Variants in PHACTR3 observed in about 807,000 individuals in gnomAD.
PHACTR3 encodes phosphatase and actin regulator 3.
In PHACTR3, 16 loss-of-function variants were observed where a neutral mutation model predicts 66.8. The observed-to-expected ratio is 0.24, with a 90% confidence interval of 0.16 to 0.36. The LOEUF (loss-of-function observed/expected upper bound fraction) is 0.36, where lower values mean the gene tolerates loss of function less well. PHACTR3 is among the 10% of genes least tolerant of loss of function. PHACTR3 has a pLI of 1.00. For missense variants in PHACTR3, 647 were observed against 719.9 expected (o/e 0.90, Z 1.16); for synonymous variants, 323 against 292.1 (o/e 1.11, Z -1.08).
chr20:59,745,104 C>T (rs546064905), intron 2 of PHACTR3, among the ~76,000 whole-genome samples: 175 of 152,228 alleles, frequency 1.1e-3, no homozygotes, highest in African/African-American at 4.0e-3. Context: ...CCCAGTGGTC[C>T]GAGAAGACCC....
chr20:59,747,758 C>G lies in PHACTR3; in HGVS notation c.281C>G (p.Ala94Gly). ...KNEKLKQTTSALEKKMAGRQG... is the reference protein window; with the variant it reads ...KNEKLKQTTSGLEKKMAGRQG... The stretch of plus-strand genomic sequence containing the variant: ...ACCTGTGTGTTTGTGTGTTGGGCAG[C>G]GCTGGAGAAGAAGATGGCCGGCAGG... The change falls in exon 3 of 13, where the codon GCG (alanine) becomes GGG (glycine). Residue 94 changes from alanine (A) to glycine (G), a missense_variant and splice_region_variant. By Grantham distance (60) the Ala-to-Gly change is moderately conservative. Coordinates refer to ENST00000371015, the MANE Select transcript of PHACTR3 (RefSeq NM_080672.5). The G allele has an allele frequency of 1.9e-6, 3 of 1,613,644 alleles. No individual in the cohort carries two copies. Among genetic ancestry groups the G allele is most frequent in the Non-Finnish European group, 2.5e-6 (3 of 1,179,870 alleles).
rs2145548260 is a variant in PHACTR3 at position 59,847,295 on chromosome 20, G to A, written c.*165G>A. On this transcript the variant is annotated 3_prime_UTR_variant, in exon 13 of 13. Coordinates refer to ENST00000371015, the MANE Select transcript of PHACTR3 (RefSeq NM_080672.5). Reference sequence around the variant, plus strand: ...CAATCTTGACCACACTTACCTGCAAGAGGAGTAACCAGAGGACACACTTCC... The same window carrying A: ...CAATCTTGACCACACTTACCTGCAAAAGGAGTAACCAGAGGACACACTTCC... The A allele has an allele frequency of 2.0e-6, 1 of 501,674 alleles. No individual in the cohort carries two copies. The highest frequency in any genetic ancestry group is 2.8e-5 in the East Asian group (1 of 35,148). The allele number at this position is 501,674 out of a possible 1,614,324, so 31.1% of individuals were successfully genotyped here.
intron 1 of PHACTR3, among the ~76,000 whole-genome samples, chr20:59,741,203 C>G (rs2039148757): frequency 6.6e-6 from 1 of 152,262 alleles, no homozygotes; most frequent in African/African-American, 2.4e-5. Flanking sequence ...CAGCTTAGGG[C>G]TCCCAGCCCC....
chr20:59,745,504 C>A lies in PHACTR3; in HGVS notation c.280+2236C>A, dbSNP rs188600448. ...ACCGCCATTCGGGCATCTGGAAATT[C>A]GAGGAACAGTGCTGCATTTTGTTTA... On this transcript the variant is annotated intron_variant, in intron 2 of 12. Transcript: ENST00000371015. Among the ~76,000 whole-genome samples the A allele has an allele frequency of 2.0e-3, 307 of 152,350 alleles. 2 individuals carry two copies. In the East Asian group the frequency reaches 0.021, roughly 11 times the overall value.
intron 8 of PHACTR3, among the ~76,000 whole-genome samples, chr20:59,822,125 CCTCCG>C (rs1372737227): frequency 1.5e-5 from 1 of 65,950 alleles, no homozygotes; most frequent in East Asian, 4.9e-4. Context: ...GATCCCACCC[CCTCCG>C]CAGCGATCCC....
chr20:59,831,343 C>T (rs1051582876), intron 8 of PHACTR3, among the ~76,000 whole-genome samples: 1 of 152,232 alleles, frequency 6.6e-6, no homozygotes, highest in Non-Finnish European at 1.5e-5. Context: ...CCCCACCTCT[C>T]GTGTGTGCAC....
intron 2 of PHACTR3, among the ~76,000 whole-genome samples, chr20:59,745,410 A>T (rs1004679789): frequency 6.6e-6 from 1 of 152,184 alleles, no homozygotes; most frequent in South Asian, 2.1e-4. Context: ...CACCAGCAAG[A>T]TGCTCTGGGG....
chr20:59,803,188 C>T (rs2041468270), intron 7 of PHACTR3, among the ~76,000 whole-genome samples: 1 of 152,138 alleles, frequency 6.6e-6, no homozygotes, highest in African/African-American at 2.4e-5. Flanking sequence ...AAGACTACTG[C>T]AGAGTTGAAG....
chr20:59,767,532 A>G, intron 5 of PHACTR3, 137 bp downstream of exon 5: 1 of 1,060,714 alleles, frequency 9.4e-7, no homozygotes, highest in South Asian at 1.5e-5. Flanking sequence ...ACCTTCAACC[A>G]GTCTTGATTG....
intron 1 of PHACTR3, among the ~76,000 whole-genome samples, chr20:59,666,671 G>GGA (rs911921137): frequency 6.6e-6 from 1 of 151,784 alleles, no homozygotes; most frequent in Admixed American, 6.6e-5. Flanking sequence ...AGAGAAACAG[G>GGA]GAGAGAGAGA....
At chr20:59,751,116 C>T (rs1267891918) in intron 3 of PHACTR3, among the ~76,000 whole-genome samples, 1 of 152,216 alleles carries the variant, frequency 6.6e-6, no homozygotes, top group Admixed American at 6.5e-5. Flanking sequence ...GGTAGGCACG[C>T]AGTGCCGCCG....
At chr20:59,578,368 C>T (rs1356833190) in intron 1 of PHACTR3, among the ~76,000 whole-genome samples, 1 of 152,180 alleles carries the variant, frequency 6.6e-6, no homozygotes, top group African/African-American at 2.4e-5. Context: ...TGGAGGAGAG[C>T]TAGGCCAGTG....
Position 59,767,298 on chromosome 20 carries a change from C to A in PHACTR3, c.654C>A (p.Pro218=). The A allele has an allele frequency of 6.2e-7, 1 of 1,614,262 alleles. No individual in the cohort carries two copies. Among genetic ancestry groups the A allele is most frequent in the African/African-American group, 1.3e-5 (1 of 75,074 alleles). Reference sequence around the variant, plus strand: ...GGGCTGACTCCCTGGACAGTCCTCCCAGACCTCTGGAGAGATCCGTGGGCC... The same window carrying A: ...GGGCTGACTCCCTGGACAGTCCTCCAAGACCTCTGGAGAGATCCGTGGGCC... The part of the protein sequence containing the change: ...LAGADSLDSP[P]RPLERSVGQL... Residue 218 remains proline, a synonymous_variant, in exon 5 of 13, where the codon CCC becomes CCA. Coordinates refer to ENST00000371015, the MANE Select transcript of PHACTR3 (RefSeq NM_080672.5).
chr20:59,703,598 A>T (rs1480323496), intron 1 of PHACTR3, among the ~76,000 whole-genome samples: 1 of 152,240 alleles, frequency 6.6e-6, no homozygotes, highest in Non-Finnish European at 1.5e-5. Flanking sequence ...AGACATGTGC[A>T]TGATAAATAT....
upstream of PHACTR3, among the ~76,000 whole-genome samples, chr20:59,601,931 A>G (rs1049960841): frequency 6.6e-6 from 1 of 152,156 alleles, no homozygotes; most frequent in African/African-American, 2.4e-5. Context: ...TATGTTTTTA[A>G]CCCTCATCCA....
intron 1 of PHACTR3, among the ~76,000 whole-genome samples, chr20:59,590,207 T>G (rs1338236858): frequency 6.6e-6 from 1 of 152,238 alleles, no homozygotes; most frequent in African/African-American, 2.4e-5. Flanking sequence ...GATGTTAGAC[T>G]ACAAAGATCT....
At chr20:59,788,170 C>G (rs897275256) in intron 7 of PHACTR3, among the ~76,000 whole-genome samples, 3 of 152,186 alleles carry the variant, frequency 2.0e-5, no homozygotes, top group Middle Eastern at 3.2e-3. Flanking sequence ...ATTCTCATAG[C>G]TTAGCTCCCA....
At chr20:59,608,998 T>C (rs2033764061) in intron 1 of PHACTR3, among the ~76,000 whole-genome samples, 1 of 152,222 alleles carries the variant, frequency 6.6e-6, no homozygotes, top group South Asian at 2.1e-4. Flanking sequence ...TAAGCATTTG[T>C]AGGACGAATG....
At chr20:59,831,403 G>T (rs1170609700) in intron 8 of PHACTR3, among the ~76,000 whole-genome samples, 1 of 152,134 alleles carries the variant, frequency 6.6e-6, no homozygotes, top group Non-Finnish European at 1.5e-5. Flanking sequence ...CTGTCCCTGG[G>T]GTTTCTTTTC....
Sources: gnomAD v4.1 joint callset for allele counts (sites outside exome capture counted in the v4.1 genomes callset) on GRCh38, gnomAD v4.1.1 for gene constraint, MANE v1.5 for transcripts, NCBI Gene and HGNC (gene_info 2026-07-23, HGNC 2026-07-21) for gene names.